CTNS: variants seen among roughly 807,000 people sequenced by gnomAD.
CTNS encodes the protein cystinosin.
Under a neutral mutation model 43.7 loss-of-function variants are expected in CTNS, and 27 were observed. The ratio of observed to expected loss-of-function variants is 0.62; its 90% confidence interval spans 0.46 to 0.85. The LOEUF is 0.85. Among genes scored for constraint, CTNS ranks in the 40% least tolerant of loss-of-function variants. The pLI, the probability that CTNS is intolerant of heterozygous loss-of-function variation, is 0.00. For missense variants in CTNS, 457 were observed against 475.4 expected, an observed-to-expected ratio of 0.96 and a Z score of 0.36; for synonymous variants, 187 against 190.6, an observed-to-expected ratio of 0.98 and a Z score of 0.16.
At chr17:3,652,779 TA>T (rs2076017554) in intron 5 of CTNS, among the ~76,000 whole-genome samples, 2 of 151,482 alleles carry the variant, frequency 1.3e-5, no homozygotes, top group Admixed American at 1.3e-4. Context: ...CTGTTAAAAA[TA>T]AGAAAAAGTG....
At position 3,662,874 on chromosome 17, in the gene CTNS, A is replaced by G. The variant is rs2142990140; in HGVS notation, c.*2505A>G. ...CACCCCCACCCCGATATCCCAGCCC[A>G]TGCCTCAGCAAAGCCCCCTGTGAAT... On this transcript the variant is annotated 3_prime_UTR_variant, in exon 12 of 12. Transcript: ENST00000046640. 1 of 152,262 alleles carries G rather than the reference A, an allele frequency of 6.6e-6. No individual in the cohort carries two copies. The highest frequency in any genetic ancestry group is 6.5e-5 in the Admixed American group (1 of 15,292). 9.4% of individuals were successfully genotyped at this position (152,262 alleles called of 1,614,324 possible).
At chr17:3,659,822 C>A in intron 10 of CTNS, 36 bp from the exon 11 acceptor site, 1 of 1,540,000 alleles carries the variant, frequency 6.5e-7, no homozygotes. Flanking sequence ...CCAGCCCTCA[C>A]CGCCCTCCGT....
chr17:3,639,641 C>CT (rs2075633457), intron 2 of CTNS, among the ~76,000 whole-genome samples: 1 of 148,074 alleles, frequency 6.8e-6, no homozygotes, highest in Non-Finnish European at 1.5e-5. Flanking sequence ...GCACTCCAGC[C>CT]TGGGCAACAG....
In CTNS at chr17:3,662,650, C is replaced by A. The variant is rs2076293503; in HGVS notation, c.*2281C>A. Among the ~76,000 whole-genome samples, 1 of 152,216 alleles carries A rather than the reference C, an allele frequency of 6.6e-6. No homozygotes were observed. Among genetic ancestry groups the A allele is most frequent in the Non-Finnish European group, 1.5e-5 (1 of 68,026 alleles). ...CTTCACAGTAACACCCAAGAAAGCA[C>A]ACGCACCCCAGGGTCCCACCCCAGT... On this transcript the variant is annotated 3_prime_UTR_variant, in exon 12 of 12. Transcript: ENST00000046640.
rs554151855 is a variant in CTNS, at chr17:3,655,501, G to A, written c.461+149G>A. 62 of 1,192,020 alleles carry A rather than the reference G, an allele frequency of 5.2e-5. No individual in the cohort carries two copies. In the African/African-American group the frequency reaches 6.0e-4, roughly 12 times the overall value. 73.8% of individuals were successfully genotyped at this position (1,192,020 alleles called of 1,614,324 possible). On this transcript the variant is annotated intron_variant, in intron 7 of 11. Coordinates refer to ENST00000046640, the MANE Select transcript of CTNS (RefSeq NM_004937.3). Reference sequence around the variant, plus strand: ...GAAAGTTGTCCCAGTGCGAAGGCTCGGAGAGCCTGGGTCGGATTCCCGTGC... The same window carrying A: ...GAAAGTTGTCCCAGTGCGAAGGCTCAGAGAGCCTGGGTCGGATTCCCGTGC...
At chr17:3,647,575 G>A in intron 4 of CTNS, 53 bp downstream of exon 4, 2 of 1,509,170 alleles carry the variant, frequency 1.3e-6, no homozygotes, top group Non-Finnish European at 1.8e-6. Context: ...CCCGCAGCTG[G>A]GTCAGGGCTG....
chr17:3,657,776 T>C (rs2076188557), intron 9 of CTNS: 1 of 586,096 alleles, frequency 1.7e-6, no homozygotes, highest in Admixed American at 3.0e-5. Flanking sequence ...GATGAGAAGG[T>C]GTGGTTGGTG....
intron 4 of CTNS, among the ~76,000 whole-genome samples, chr17:3,648,131 C>T (rs1471536903): frequency 2.0e-5 from 3 of 152,204 alleles, no homozygotes; most frequent in African/African-American, 7.2e-5. Context: ...AGACCTAGAA[C>T]CCTCTCCTTC....
chr17:3,659,158 T>G (rs904927648), intron 10 of CTNS, among the ~76,000 whole-genome samples: 66 of 150,784 alleles, frequency 4.4e-4, no homozygotes, highest in Middle Eastern at 3.4e-3. Flanking sequence ...AGAGGCTCAC[T>G]GGGAGGCCAC....
chr17:3,658,347 C>T (rs905934105), intron 10 of CTNS, among the ~76,000 whole-genome samples, 172 bp downstream of exon 10: 2 of 152,156 alleles, frequency 1.3e-5, no homozygotes, highest in Non-Finnish European at 1.5e-5. Flanking sequence ...GCCTGCCGCT[C>T]TTCCCCCGGG....
At chr17:3,656,422 G>A in intron 7 of CTNS, 65 bp from the exon 8 acceptor site, 2 of 613,862 alleles carry the variant, frequency 3.3e-6, no homozygotes, top group Non-Finnish European at 4.9e-6. Flanking sequence ...CTCACCCTCT[G>A]CCCTGTCCCT....
At chr17:3,645,546 G>A (rs1005315677) in intron 3 of CTNS, among the ~76,000 whole-genome samples, 1 of 152,048 alleles carries the variant, frequency 6.6e-6, no homozygotes, top group Non-Finnish European at 1.5e-5. Context: ...GAGAATCAGA[G>A]GTCAAATTGG....
chr17:3,642,054 TGTACCCGGGC>T (rs1163833564), intron 3 of CTNS, among the ~76,000 whole-genome samples: 84 of 67,646 alleles, frequency 1.2e-3, no homozygotes, highest in Middle Eastern at 0.015. Flanking sequence ...TGTGTGTGTG[TGTACCCGGGC>T]GTGTGTGTGT....
chr17:3,638,601 A>G (rs1395465308), intron 2 of CTNS, among the ~76,000 whole-genome samples: 2 of 152,118 alleles, frequency 1.3e-5, no homozygotes, highest in Admixed American at 1.3e-4. Context: ...CTCTGCTGGC[A>G]TCGTTCCTCC....
At position 3,660,592 on chromosome 17, in the gene CTNS, G is replaced by A; in HGVS notation, c.*223G>A. ...GCCAGGCACGTGGCACCGTCGCCTT[G>A]ACACCGCCATCTCTTTTCTTTAAGG... On this transcript the variant is annotated 3_prime_UTR_variant, in exon 12 of 12. Coordinates refer to ENST00000046640, the MANE Select transcript of CTNS (RefSeq NM_004937.3). 1.2e-6 allele frequency: 2 copies of A among 1,613,302 alleles called. No individual in the cohort carries two copies. Among genetic ancestry groups the A allele is most frequent in the Non-Finnish European group, 1.7e-6 (2 of 1,180,026 alleles).
At chr17:3,644,024 T>G (rs181550590) in intron 3 of CTNS, among the ~76,000 whole-genome samples, 38 of 152,244 alleles carry the variant, frequency 2.5e-4, no homozygotes, top group Admixed American at 2.2e-3. Context: ...CAGGATGGTG[T>G]TGTGACTCAT....
intron 3 of CTNS, among the ~76,000 whole-genome samples, chr17:3,646,193 G>A (rs2075839213): frequency 6.6e-6 from 1 of 152,190 alleles, no homozygotes; most frequent in African/African-American, 2.4e-5. Flanking sequence ...GGGAGCAGAG[G>A]CTGGGACGGG....
chr17:3,637,592 G>A (rs1022538510), intron 2 of CTNS, among the ~76,000 whole-genome samples: 1 of 151,900 alleles, frequency 6.6e-6, no homozygotes, highest in African/African-American at 2.4e-5. Context: ...TCAGCCTTCC[G>A]AGTAGCTGGG....
chr17:3,660,055 G>A lies in CTNS; in HGVS notation c.970+80G>A. On this transcript the variant is annotated intron_variant, in intron 11 of 11. Coordinates refer to ENST00000046640, the MANE Select transcript of CTNS (RefSeq NM_004937.3). Reference sequence around the variant, plus strand: ...CAGCCTTCCCGGGACCTTCCAGCCAGGGCTCCACCCCCACCTGGGATCCAA... The same window carrying A: ...CAGCCTTCCCGGGACCTTCCAGCCAAGGCTCCACCCCCACCTGGGATCCAA... The A allele has an allele frequency of 2.7e-6, 4 of 1,459,766 alleles. No homozygotes were observed. In the South Asian group the frequency reaches 4.6e-5, roughly 17 times the overall value. The allele number at this position is 1,459,766 out of a possible 1,614,324, so 90.4% of individuals were successfully genotyped here. A position where few individuals can be genotyped will look rare whatever the true frequency, so the allele number is the denominator to read the frequency against.
Sources: allele counts gnomAD v4.1 joint callset (sites outside exome capture counted in the v4.1 genomes callset), GRCh38; gene constraint gnomAD v4.1.1; transcripts MANE v1.5; gene names NCBI Gene and HGNC (gene_info 2026-07-23, HGNC 2026-07-21).